The following UBR1 variants were observed in gnomAD, a reference collection of about 807,000 sequenced individuals.
UBR1 encodes the protein E3 ubiquitin-protein ligase UBR1.
Under a neutral mutation model 242.1 loss-of-function variants are expected in UBR1, and 102 were observed. That is an observed-to-expected ratio of 0.42 (90% CI 0.36 to 0.50). The LOEUF is 0.50. UBR1 is among the 20% of genes least tolerant of loss of function. UBR1 has a pLI of 0.01. For missense variants in UBR1, 1,772 were observed against 2,101.8 expected (o/e 0.84, Z 3.07); for synonymous variants, 675 against 684.8 (o/e 0.99, Z 0.22).
chr15:43,057,972 C>A (rs956093126), intron 10 of UBR1, among the ~76,000 whole-genome samples: 1 of 151,362 alleles, frequency 6.6e-6, no homozygotes, highest in East Asian at 1.9e-4. Context: ...GGCAGTGGCG[C>A]GATCTTGGCT....
chr15:43,050,372 C>A (rs2033539155), intron 12 of UBR1, among the ~76,000 whole-genome samples: 1 of 151,948 alleles, frequency 6.6e-6, no homozygotes, highest in Non-Finnish European at 1.5e-5. Flanking sequence ...GTCCTAATAG[C>A]CAGCATCTAT....
At chr15:43,089,063 G>A (rs2034074828) in intron 1 of UBR1, among the ~76,000 whole-genome samples, 1 of 151,910 alleles carries the variant, frequency 6.6e-6, no homozygotes, top group Non-Finnish European at 1.5e-5. Context: ...TCAGGAGTCT[G>A]AGGCACGAGA....
At position 43,092,806 on chromosome 15, in the gene UBR1, C is replaced by G. The variant is rs889841441; in HGVS notation, c.82-6566G>C. 6.6e-4 allele frequency among the ~76,000 whole-genome samples: 101 copies of G among 152,200 alleles called. 6 individuals are homozygous for G. Among genetic ancestry groups the G allele is most frequent in the African/African-American group, 2.4e-5 (1 of 41,448 alleles). ...TGACCTTGTGATCCGCCTGCCTTGG[C>G]CTCCCAAAGTGCTGGGATTACAGGC... On this transcript the variant is annotated intron_variant, in intron 1 of 46. Coordinates refer to ENST00000290650, the MANE Select transcript of UBR1 (RefSeq NM_174916.3).
In UBR1 at chr15:43,015,779, A is replaced by G; in HGVS notation, c.3118T>C (p.Leu1040=). 3 of 1,614,174 alleles carry G rather than the reference A, an allele frequency of 1.9e-6. No individual in the cohort carries two copies. The highest frequency in any genetic ancestry group is 2.5e-6 in the Non-Finnish European group (3 of 1,180,030). Residue 1040 remains leucine, a synonymous_variant, in exon 29 of 47, where the codon TTA becomes CTA. Transcript: ENST00000290650. ...TGAGTTTCAATGAAGTTTTTCTGTAAGGCAGACATCTGAGCCATGATCTTC... is the reference window on the plus strand; with the variant it reads ...TGAGTTTCAATGAAGTTTTTCTGTAGGGCAGACATCTGAGCCATGATCTTC... The part of the protein sequence containing the change: ...RQKIMAQMSA[L]QKNFIETHKL...
intron 44 of UBR1, among the ~76,000 whole-genome samples, chr15:42,955,413 T>C (rs1567107124): frequency 6.6e-6 from 1 of 152,236 alleles, no homozygotes; most frequent in Non-Finnish European, 1.5e-5. Flanking sequence ...ATTACAAAAC[T>C]CTTAAAGGAG....
At chr15:43,081,126 T>C (rs963641566) in intron 3 of UBR1, among the ~76,000 whole-genome samples, 1 of 151,622 alleles carries the variant, frequency 6.6e-6, no homozygotes, top group Non-Finnish European at 1.5e-5. Context: ...CCACCAGTTA[T>C]AAGACTTCCT....
chr15:42,961,205 C>T (rs149958397), intron 42 of UBR1, among the ~76,000 whole-genome samples: 147 of 151,242 alleles, frequency 9.7e-4, no homozygotes, highest in African/African-American at 3.5e-3. Flanking sequence ...CTCCATCTCC[C>T]GTGTTCCAGT....
Position 43,068,054 on chromosome 15 carries a change from T to A in UBR1, c.660-18A>T, listed in dbSNP as rs369932093. 3.4e-5 allele frequency: 50 copies of A among 1,453,166 alleles called. No homozygotes were observed. The African/African-American group carries it at 8.5e-4, about 25-fold the overall frequency. 90.0% of individuals were successfully genotyped at this position (1,453,166 alleles called of 1,614,324 possible). On this transcript the variant is annotated intron_variant, in intron 5 of 46. Coordinates refer to ENST00000290650, the MANE Select transcript of UBR1 (RefSeq NM_174916.3). ...TTTTCTCCCTGTTAGAAAAAAAACA[T>A]ATATATTTGGATACTACAACAAATA... is the stretch of plus-strand genomic sequence containing the variant.
At chr15:43,087,859 T>C (rs1374291542) in intron 1 of UBR1, among the ~76,000 whole-genome samples, 1 of 152,122 alleles carries the variant, frequency 6.6e-6, no homozygotes, top group African/African-American at 2.4e-5. Context: ...AGGGCACAGA[T>C]CTATGTCCTG....
chr15:42,976,798 T>C lies in UBR1; in HGVS notation c.4288A>G (p.Ser1430Gly). ...AGATAAAGGTGGTTATAGGAAGAACTAACTGAAGAAGGCTGCAGATCAACA... is the reference window on the plus strand; with the variant it reads ...AGATAAAGGTGGTTATAGGAAGAACCAACTGAAGAAGGCTGCAGATCAACA... ...DPVDLQPSSVSSSYNHLYLFH... is the reference protein window; with the variant it reads ...DPVDLQPSSVGSSYNHLYLFH... Residue 1430 changes from serine to glycine, a missense_variant, in exon 39 of 47, where the codon AGT becomes GGT. Physicochemically the swap from Ser to Gly is moderately conservative, Grantham distance 56. This residue lies in a region of UBR1 where 965 missense variants were observed against 1,079.7 expected (regional missense o/e 0.89). Transcript: ENST00000290650. The C allele has an allele frequency of 6.2e-7, 1 of 1,614,062 alleles. No individual in the cohort carries two copies. Among genetic ancestry groups the C allele is most frequent in the Non-Finnish European group, 8.5e-7 (1 of 1,180,010 alleles).
At chr15:43,105,652 C>A (rs1173334855) in intron 1 of UBR1, among the ~76,000 whole-genome samples, 1 of 152,184 alleles carries the variant, frequency 6.6e-6, no homozygotes, top group East Asian at 1.9e-4. Flanking sequence ...CCCGCCTCGG[C>A]CCCCACATCA....
intron 35 of UBR1, among the ~76,000 whole-genome samples, chr15:42,985,378 C>A (rs1596085887): frequency 6.6e-6 from 1 of 151,940 alleles, no homozygotes; most frequent in Non-Finnish European, 1.5e-5. Flanking sequence ...TTGAGACAGA[C>A]TTTCGCTCTT....
Position 43,012,088 on chromosome 15 carries a change from G to T in UBR1, c.3209+3600C>A, listed in dbSNP as rs576344172. On this transcript the variant is annotated intron_variant, in intron 29 of 46. Coordinates refer to ENST00000290650, the MANE Select transcript of UBR1 (RefSeq NM_174916.3). ...AAAAATACAAAAAAATTAGCCAGGC[G>T]TGGTGGCGGGCGCCTGTAGTCCCAG... Among the ~76,000 whole-genome samples, 7 of 152,218 alleles carry T rather than the reference G, an allele frequency of 4.6e-5. No homozygotes were observed. The East Asian group carries it at 5.8e-4, about 13-fold the overall frequency.
chr15:42,999,873 A>T (rs563841151), intron 32 of UBR1, among the ~76,000 whole-genome samples: 1 of 152,188 alleles, frequency 6.6e-6, no homozygotes, highest in East Asian at 1.9e-4. Context: ...ATAAAATAGG[A>T]ATCTTTTTAT....
intron 12 of UBR1, among the ~76,000 whole-genome samples, chr15:43,051,779 A>C (rs1269215115): frequency 6.6e-6 from 1 of 152,184 alleles, no homozygotes; most frequent in Non-Finnish European, 1.5e-5. Context: ...AGGGAAGGAA[A>C]AGAAGTCTGT....
chr15:42,995,133 T>C (rs2032617606), intron 33 of UBR1, among the ~76,000 whole-genome samples: 1 of 152,206 alleles, frequency 6.6e-6, no homozygotes, highest in Non-Finnish European at 1.5e-5. Context: ...GTGATATTTC[T>C]ACTTAATGCC....
At chr15:43,038,089 A>G (rs1395214886) in intron 16 of UBR1, 82 bp downstream of exon 16, 1 of 1,506,892 alleles carries the variant, frequency 6.6e-7, no homozygotes, top group Non-Finnish European at 9.2e-7. Context: ...GGGTTTCTAA[A>G]TATTATCTCC....
chr15:42,997,198 G>A (rs2032654034), intron 33 of UBR1, among the ~76,000 whole-genome samples: 1 of 152,174 alleles, frequency 6.6e-6, no homozygotes, highest in South Asian at 2.1e-4. Context: ...CTGCCCATGT[G>A]AGGAATCTAG....
In UBR1 at chr15:42,990,222, T is replaced by C. The variant is rs867197314; in HGVS notation, c.3758-102A>G. ...ATTTATTTTTGACAGTCTCACTCTG[T>C]CACCCATGCTGGAGCACAGTGGCAT... On this transcript the variant is annotated intron_variant, in intron 33 of 46. Transcript: ENST00000290650. The C allele has an allele frequency of 2.7e-5, 23 of 858,904 alleles. No homozygotes were observed. The South Asian group carries it at 3.4e-4, about 13-fold the overall frequency. 53.2% of individuals were successfully genotyped at this position (858,904 alleles called of 1,614,324 possible).
Sources: gnomAD v4.1 joint callset for allele counts (sites outside exome capture counted in the v4.1 genomes callset) on GRCh38, gnomAD v4.1.1 for gene constraint, gnomAD v4.1.1 regional missense constraint, MANE v1.5 for transcripts, NCBI Gene and HGNC (gene_info 2026-07-23, HGNC 2026-07-21) for gene names.